OPCML: variants seen among roughly 807,000 people sequenced by gnomAD.
The protein encoded by OPCML is opioid binding protein/cell adhesion molecule like, also known as opioid-binding protein/cell adhesion molecule.
OPCML carries 13 observed loss-of-function variants against 37.8 expected under a neutral mutation model. The ratio of observed to expected loss-of-function variants is 0.34; its 90% CI spans 0.22 to 0.55. The LOEUF is 0.55. Ranked by LOEUF, OPCML falls within the 20% of genes least tolerant of loss-of-function variation. The pLI, the probability that OPCML is intolerant of heterozygous loss-of-function variation, is 0.91. For synonymous variants in OPCML, 176 were observed against 168.8 expected, an observed-to-expected ratio of 1.04 and a Z score of -0.33; for missense variants, 341 against 435.6, an observed-to-expected ratio of 0.78 and a Z score of 1.93.
intron 1 of OPCML, chr11:133,118,273 A>C: frequency 1.0e-6 from 1 of 985,420 alleles, no homozygotes; most frequent in Non-Finnish European, 1.2e-6. Flanking sequence ...TGTTCACATC[A>C]TATGAGCTGT....
At chr11:133,319,245 T>C (rs967171092) in intron 1 of OPCML, among the ~76,000 whole-genome samples, 9 of 152,148 alleles carry the variant, frequency 5.9e-5, no homozygotes, top group African/African-American at 1.7e-4. Flanking sequence ...AGTCAAGACA[T>C]TGAAGCAGCC....
intron 1 of OPCML, among the ~76,000 whole-genome samples, chr11:133,266,055 GAA>G (rs1169734256): frequency 6.6e-6 from 1 of 150,560 alleles, no homozygotes. Flanking sequence ...GCAACACTAG[GAA>G]AAAAAAAGTC....
chr11:133,501,110 C>A (rs1196380625), intron 1 of OPCML, among the ~76,000 whole-genome samples: 1 of 152,148 alleles, frequency 6.6e-6, no homozygotes, highest in African/African-American at 2.4e-5. Context: ...CCTGCTCCCA[C>A]CACCCACACT....
At chr11:132,455,512 C>A (rs939753331) in intron 4 of OPCML, among the ~76,000 whole-genome samples, 7 of 152,128 alleles carry the variant, frequency 4.6e-5, no homozygotes, top group Non-Finnish European at 8.8e-5. Flanking sequence ...AGTGAGATCC[C>A]TTTGAGATGC....
intron 1 of OPCML, among the ~76,000 whole-genome samples, chr11:133,477,198 T>G (rs577812155): frequency 6.6e-6 from 1 of 151,972 alleles, no homozygotes; most frequent in East Asian, 1.9e-4. Flanking sequence ...CTCTTCTGCC[T>G]TCAGCACACG....
chr11:133,123,042 T>C (rs1215089117), intron 1 of OPCML, among the ~76,000 whole-genome samples: 1 of 152,230 alleles, frequency 6.6e-6, no homozygotes, highest in Admixed American at 6.5e-5. Flanking sequence ...TCCATGACTT[T>C]TTCCTACAAA....
Position 132,875,806 on chromosome 11 carries a change from CG to C in OPCML, c.146+67119del, listed in dbSNP as rs150495280. 4.0e-4 allele frequency among the ~76,000 whole-genome samples: 61 copies of C among 152,230 alleles called. No homozygotes were observed. The East Asian group carries it at 0.01, about 25-fold the overall frequency. On this transcript the variant is annotated intron_variant, in intron 2 of 7. Coordinates refer to ENST00000524381, the MANE Select transcript of OPCML (RefSeq NM_001012393.5). ...TGAAGGTCTCCTTTCCAGCAGAGGC[CG>C]TGCTGGGTGGTGCCTTTTATCAAGA...
chr11:133,092,901 C>T (rs113221761), intron 1 of OPCML, among the ~76,000 whole-genome samples: 11 of 151,942 alleles, frequency 7.2e-5, no homozygotes, highest in Non-Finnish European at 1.6e-4. Flanking sequence ...TTCCTAGTGC[C>T]AGTTATCCCT....
At chr11:133,359,106 G>A (rs1190592032) in intron 1 of OPCML, among the ~76,000 whole-genome samples, 2 of 152,290 alleles carry the variant, frequency 1.3e-5, no homozygotes, top group African/African-American at 4.8e-5. Flanking sequence ...CCCAGACACA[G>A]CTCTGATCAC....
chr11:132,773,954 A>C (rs543767831), intron 2 of OPCML, among the ~76,000 whole-genome samples: 1 of 152,332 alleles, frequency 6.6e-6, no homozygotes, highest in East Asian at 1.9e-4. Flanking sequence ...TTGTAAAGAG[A>C]GAGAGAGAAA....
At chr11:132,676,241 A>G (rs993263839) in intron 2 of OPCML, among the ~76,000 whole-genome samples, 5 of 152,170 alleles carry the variant, frequency 3.3e-5, no homozygotes, top group Non-Finnish European at 4.4e-5. Flanking sequence ...ATGTCCACAC[A>G]CAATTGAATA....
intron 3 of OPCML, among the ~76,000 whole-genome samples, chr11:132,554,862 A>ATTTT (rs2096390658): frequency 5.2e-5 from 3 of 57,206 alleles, no homozygotes; most frequent in African/African-American, 7.1e-5. Flanking sequence ...AATGGGGTAA[A>ATTTT]GTTTTTTTTT....
At position 132,415,663 on chromosome 11, in the gene OPCML, C is replaced by T. The variant is rs1404627772; in HGVS notation, c.*4530G>A. ...CTCTTTCAAAATGCTGGAAATTAGG[C>T]TTAGCTCACTACTTTCAGGATAAAG... is the stretch of plus-strand genomic sequence containing the variant. On this transcript the variant is annotated 3_prime_UTR_variant, in exon 8 of 8. Coordinates refer to ENST00000524381, the MANE Select transcript of OPCML (RefSeq NM_001012393.5). The T allele has an allele frequency of 6.6e-6, 1 of 152,376 alleles. No individual in the cohort carries two copies. The highest frequency in any genetic ancestry group is 6.5e-5 in the Admixed American group (1 of 15,276). 9.4% of individuals were successfully genotyped at this position (152,376 alleles called of 1,614,324 possible).
At chr11:132,887,149 A>C (rs754363393) in intron 2 of OPCML, among the ~76,000 whole-genome samples, 19 of 152,358 alleles carry the variant, frequency 1.2e-4, no homozygotes, top group Admixed American at 2.6e-4. Context: ...TCGTAGGACC[A>C]TAATACCATA....
chr11:132,547,494 CAG>C (rs148137827), intron 3 of OPCML, among the ~76,000 whole-genome samples: 1 of 152,044 alleles, frequency 6.6e-6, no homozygotes, highest in Non-Finnish European at 1.5e-5. Flanking sequence ...AGGGTAGAGG[CAG>C]AGTCTGGAAA....
chr11:132,637,078 G>A (rs563026386), intron 3 of OPCML, among the ~76,000 whole-genome samples: 8 of 151,788 alleles, frequency 5.3e-5, no homozygotes, highest in African/African-American at 1.7e-4. Flanking sequence ...TAGGTCAGGC[G>A]CATACTACCT....
chr11:132,535,183 A>T (rs1289900375), intron 3 of OPCML, among the ~76,000 whole-genome samples: 2 of 152,076 alleles, frequency 1.3e-5, no homozygotes, highest in East Asian at 3.9e-4. Context: ...CAGAGTAAAA[A>T]GTGCATAAAC....
intron 2 of OPCML, among the ~76,000 whole-genome samples, chr11:132,916,280 T>G (rs1024638154): frequency 6.6e-6 from 1 of 152,192 alleles, no homozygotes; most frequent in East Asian, 1.9e-4. Context: ...AGAGACTCCC[T>G]CTTGTCAGGC....
intron 1 of OPCML, among the ~76,000 whole-genome samples, chr11:133,082,276 T>TCTTGGGGC (rs922741748): frequency 4.0e-5 from 6 of 151,110 alleles, no homozygotes; most frequent in Admixed American, 2.0e-4. Flanking sequence ...CGCGCTGGAG[T>TCTTGGGGC]CTTGGGGCCT....
Sources: allele counts gnomAD v4.1 joint callset (sites outside exome capture counted in the v4.1 genomes callset), GRCh38; gene constraint gnomAD v4.1.1; transcripts MANE v1.5; gene names NCBI Gene and HGNC (gene_info 2026-07-23, HGNC 2026-07-21).